The following PAK3 variants were observed in gnomAD, a reference collection of about 807,000 sequenced individuals.
The protein encoded by PAK3 is p21 (RAC1) activated kinase 3, also known as serine/threonine-protein kinase PAK 3.
PAK3 carries 4 observed loss-of-function variants against 41.0 expected under a neutral mutation model. The observed-to-expected ratio is 0.10, with a 90% CI of 0.05 to 0.22. PAK3 has a LOEUF of 0.22. PAK3 is among the 10% of genes least tolerant of loss of function. PAK3 has a pLI of 1.00. For missense variants in PAK3, 205 were observed against 409.9 expected (o/e 0.50, Z 4.32); for synonymous variants, 146 against 139.6 (o/e 1.05, Z -0.32).
chrX:110,954,062 T>C (rs1271627527), intron 1 of PAK3, among the ~76,000 whole-genome samples: 4 of 111,596 alleles, frequency 3.6e-5, no homozygotes, highest in Non-Finnish European at 5.6e-5. Flanking sequence ...TTCCCCTTGA[T>C]CTCACTGATC....
intron 1 of PAK3, among the ~76,000 whole-genome samples, chrX:110,965,759 A>G (rs1030067791): frequency 8.9e-6 from 1 of 112,428 alleles, no homozygotes; most frequent in African/African-American, 3.2e-5. Context: ...ACACTGACAG[A>G]GCACCTACTG....
At chrX:111,146,514 A>G (rs1203763257) in intron 6 of PAK3, 11 of 1,117,040 alleles carry the variant, frequency 9.8e-6, no homozygotes, top group Non-Finnish European at 1.3e-5. Context: ...ATTTACGTCC[A>G]TTACAGCCAG....
In PAK3 at chrX:110,953,858, C is replaced by A. The variant is rs2896890; in HGVS notation, c.-28+9230C>A. 5.4e-3 allele frequency among the ~76,000 whole-genome samples: 601 copies of A among 111,991 alleles called. 5 individuals are homozygous for A. The highest frequency in any genetic ancestry group is 0.019 in the African/African-American group (571 of 30,845). ...CAGTCATTTAATAATGAGTATATTT[C>A]AAGCCCTTTGGCACACTACCTTGAG... On this transcript the variant is annotated intron_variant, in intron 1 of 14. Transcript: ENST00000425146.
At chrX:111,198,352 T>A (rs2094638883) in intron 16 of PAK3, among the ~76,000 whole-genome samples, 1 of 112,799 alleles carries the variant, frequency 8.9e-6, no homozygotes, top group Non-Finnish European at 1.9e-5. Context: ...TGTCAATTTT[T>A]GTTTTTGTTG....
At chrX:111,057,481 A>G (rs2148801042) in intron 1 of PAK3, among the ~76,000 whole-genome samples, 1 of 111,657 alleles carries the variant, frequency 9.0e-6, no homozygotes, top group South Asian at 3.8e-4. Context: ...AAATAAGGAC[A>G]TTCTCTTACA....
At chrX:111,179,806 G>T (rs2094446098) in intron 11 of PAK3, among the ~76,000 whole-genome samples, 2 of 111,723 alleles carry the variant, frequency 1.8e-5, no homozygotes, top group Non-Finnish European at 3.8e-5. Context: ...TTGTCTGTTA[G>T]TTTCATTAGC....
intron 1 of PAK3, among the ~76,000 whole-genome samples, chrX:110,967,138 C>T (rs2091097295): frequency 8.9e-6 from 1 of 112,447 alleles, no homozygotes; most frequent in South Asian, 3.8e-4. Context: ...ACTTAGAATA[C>T]CATGTGTCCC....
chrX:111,172,953 T>C, intron 10 of PAK3, 65 bp from the exon 11 acceptor site: 1 of 635,670 alleles, frequency 1.6e-6, no homozygotes, highest in East Asian at 3.4e-5. Context: ...TCAATTTCTA[T>C]TTCTCTCTCT....
chrX:111,055,421 G>A (rs759934505), intron 1 of PAK3, among the ~76,000 whole-genome samples: 4 of 112,392 alleles, frequency 3.6e-5, no homozygotes, highest in Non-Finnish European at 7.5e-5. Context: ...GACCCCGTAA[G>A]AGTCCACATG....
intron 5 of PAK3, among the ~76,000 whole-genome samples, chrX:111,131,562 A>T (rs184672119): frequency 1.2e-3 from 139 of 111,446 alleles, no homozygotes; most frequent in African/African-American, 4.2e-3. Flanking sequence ...TGCAAAAAAA[A>T]AAATAAATTT....
At chrX:111,008,273 G>T (rs2091962363) in intron 1 of PAK3, among the ~76,000 whole-genome samples, 1 of 112,504 alleles carries the variant, frequency 8.9e-6, no homozygotes, top group South Asian at 3.7e-4. Context: ...TCACAGAATT[G>T]CTGTAAGGAA....
chrX:110,998,274 A>G (rs207478732), intron 1 of PAK3, among the ~76,000 whole-genome samples: 1 of 112,016 alleles, frequency 8.9e-6, no homozygotes, highest in African/African-American at 3.2e-5. Flanking sequence ...GCAACAAGCA[A>G]AGGAGACTGG....
intron 6 of PAK3, among the ~76,000 whole-genome samples, chrX:111,147,045 G>A (rs960411027): frequency 2.7e-5 from 3 of 111,003 alleles, no homozygotes; most frequent in Non-Finnish European, 5.7e-5. Flanking sequence ...ATGAAGTAAG[G>A]AGGAAGGGAG....
At chrX:111,189,430 A>G (rs923089509) in intron 11 of PAK3, among the ~76,000 whole-genome samples, 2 of 111,685 alleles carry the variant, frequency 1.8e-5, no homozygotes, top group African/African-American at 6.5e-5. Flanking sequence ...TTTCTTTTGG[A>G]TACATACCCA....
At chrX:111,027,223 TAA>T (rs56240025) in intron 1 of PAK3, among the ~76,000 whole-genome samples, 27 of 104,448 alleles carry the variant, frequency 2.6e-4, no homozygotes, top group South Asian at 4.4e-4. Flanking sequence ...AGATTACATT[TAA>T]AAAAAAAAAA....
intron 1 of PAK3, among the ~76,000 whole-genome samples, chrX:110,962,873 A>G (rs759256457): frequency 8.9e-6 from 1 of 112,138 alleles, no homozygotes; most frequent in Admixed American, 9.4e-5. Context: ...AAGAATGTGA[A>G]AGCTTCATAG....
intron 1 of PAK3, among the ~76,000 whole-genome samples, chrX:110,996,634 C>T (rs1039585178): frequency 1.4e-4 from 16 of 111,266 alleles, no homozygotes; most frequent in African/African-American, 5.2e-4. Flanking sequence ...AGCCTGCTCT[C>T]TCTCTCTCTC....
At chrX:111,207,104 A>G (rs2896993) in intron 16 of PAK3, among the ~76,000 whole-genome samples, 7,663 of 104,840 alleles carry the variant, frequency 0.073, 760 homozygotes, top group African/African-American at 0.26. Flanking sequence ...GTGTGTATAT[A>G]TATATACATA....
At chrX:111,115,603 C>T (rs2093449843) in intron 4 of PAK3, among the ~76,000 whole-genome samples, 1 of 111,338 alleles carries the variant, frequency 9.0e-6, no homozygotes, top group African/African-American at 3.3e-5. Flanking sequence ...AATGCATGCT[C>T]AGTATAATAA....
Sources: allele counts gnomAD v4.1 joint callset (sites outside exome capture counted in the v4.1 genomes callset), GRCh38; gene constraint gnomAD v4.1.1; transcripts MANE v1.5; gene names NCBI Gene and HGNC (gene_info 2026-07-23, HGNC 2026-07-21).